Variants in UTRN observed in about 807,000 individuals in gnomAD.
The protein encoded by UTRN is utrophin, also known as dystrophin-related protein 1.
A neutral mutation model predicts 463.9 loss-of-function variants in UTRN; 283 were observed. The ratio of observed to expected loss-of-function variants is 0.61; its 90% CI spans 0.55 to 0.67. The LOEUF (loss-of-function observed/expected upper bound fraction) is 0.67. Among genes scored for constraint, UTRN ranks in the 30% least tolerant of loss-of-function variants. The pLI is 0.00. For missense variants in UTRN, 3,922 were observed against 4,084.3 expected, an observed-to-expected ratio of 0.96 and a Z score of 1.08; for synonymous variants, 1,442 against 1,431.5, an observed-to-expected ratio of 1.01 and a Z score of -0.17.
chr6:144,690,540 C>G (rs1562771639), intron 52 of UTRN, among the ~76,000 whole-genome samples: 1 of 152,124 alleles, frequency 6.6e-6, no homozygotes, highest in Non-Finnish European at 1.5e-5. Context: ...GCAGGGGCAC[C>G]CAGCTCCTAT....
intron 27 of UTRN, among the ~76,000 whole-genome samples, chr6:144,483,930 G>A (rs1261175872): frequency 6.6e-6 from 1 of 152,206 alleles, no homozygotes; most frequent in Non-Finnish European, 1.5e-5. Context: ...GTAGAAAAAT[G>A]TACTGCTCCT....
intron 2 of UTRN, among the ~76,000 whole-genome samples, chr6:144,320,694 A>G (rs1447400233): frequency 1.3e-5 from 2 of 152,224 alleles, no homozygotes; most frequent in Admixed American, 1.3e-4. Flanking sequence ...GTAGAATTAC[A>G]GAGGTAAAAC....
chr6:144,457,315 T>C (rs1166828738), intron 19 of UTRN, among the ~76,000 whole-genome samples: 1 of 152,204 alleles, frequency 6.6e-6, no homozygotes, highest in African/African-American at 2.4e-5. Context: ...CCGCCCTTGT[T>C]CTTGAAGTGA....
chr6:144,744,422 A>G (rs1790468120), intron 54 of UTRN, among the ~76,000 whole-genome samples: 1 of 146,682 alleles, frequency 6.8e-6, no homozygotes, highest in Non-Finnish European at 1.5e-5. Flanking sequence ...CTTATGTATA[A>G]TATATACATA....
Position 144,571,633 on chromosome 6 carries a change from A to G in UTRN, c.7290-5466A>G, listed in dbSNP as rs555345593. On this transcript the variant is annotated intron_variant, in intron 50 of 74. Transcript: ENST00000367545. ...CTTCGCCATTGAATTTTAGGTAAAT[A>G]CATATACAGTGTTGACATTATTTTG... 3.9e-5 allele frequency among the ~76,000 whole-genome samples: 6 copies of G among 152,326 alleles called. No individual in the cohort carries two copies. In the East Asian group the frequency reaches 9.6e-4, roughly 24 times the overall value.
intron 51 of UTRN, among the ~76,000 whole-genome samples, chr6:144,667,302 C>T (rs1780520815): frequency 6.6e-6 from 1 of 152,190 alleles, no homozygotes; most frequent in Admixed American, 6.5e-5. Context: ...AGGTGACCAA[C>T]CTGCCTCAGC....
At chr6:144,766,830 T>C (rs1793412039) in intron 58 of UTRN, among the ~76,000 whole-genome samples, 1 of 151,982 alleles carries the variant, frequency 6.6e-6, no homozygotes, top group Non-Finnish European at 1.5e-5. Flanking sequence ...TCTGTAAACA[T>C]TTATATTCTA....
chr6:144,702,557 C>T (rs140249414), intron 53 of UTRN, among the ~76,000 whole-genome samples: 1 of 152,158 alleles, frequency 6.6e-6, no homozygotes, highest in East Asian at 1.9e-4. Context: ...ACGGTAATAA[C>T]AAAAATAAAG....
At chr6:144,657,250 CA>C (rs11400052) in intron 51 of UTRN, among the ~76,000 whole-genome samples, 6,058 of 68,938 alleles carry the variant, frequency 0.088, 216 homozygotes, top group East Asian at 0.42. Flanking sequence ...AACTCCATCT[CA>C]AAAAAAAAAA....
intron 51 of UTRN, among the ~76,000 whole-genome samples, chr6:144,655,153 T>C (rs537302583): frequency 6.6e-5 from 10 of 152,372 alleles, no homozygotes; most frequent in African/African-American, 2.4e-4. Context: ...CTTCCTGGGA[T>C]AAAAGGAGAG....
rs560016575 is a variant in UTRN, at chr6:144,827,255, A to G, written c.9495-93A>G. ...CAACCACATATATGAGCGGAAGATA[A>G]TTGAGAATCTCCCCACACCCCCACT... is the stretch of plus-strand genomic sequence containing the variant. On this transcript the variant is annotated intron_variant, in intron 66 of 74. Coordinates refer to ENST00000367545, the MANE Select transcript of UTRN (RefSeq NM_007124.3). The G allele has an allele frequency of 2.7e-6, 4 of 1,458,494 alleles. No homozygotes were observed. The African/African-American group carries it at 4.2e-5, about 15-fold the overall frequency. 90.3% of individuals were successfully genotyped at this position (1,458,494 alleles called of 1,614,324 possible). A position where few individuals can be genotyped will look rare whatever the true frequency, so the allele number is the denominator to read the frequency against.
intron 19 of UTRN, among the ~76,000 whole-genome samples, chr6:144,455,060 T>C (rs1275271647): frequency 6.8e-6 from 1 of 147,138 alleles, no homozygotes; most frequent in Non-Finnish European, 1.5e-5. Context: ...TGGATATGTG[T>C]ATACACACAC....
chr6:144,416,595 T>A (rs576777869), intron 3 of UTRN, among the ~76,000 whole-genome samples: 1 of 152,234 alleles, frequency 6.6e-6, no homozygotes, highest in Admixed American at 6.5e-5. Context: ...GCCGCAAGCA[T>A]GAGTGCTGGT....
At position 144,774,281 on chromosome 6, in the gene UTRN, C is replaced by A. The variant is rs753559720; in HGVS notation, c.8558-9C>A. ...GCCTATCTTCAAATTGTTTCTTTTT[C>A]TATTTCAGCTGACCTGAATAATGTA... On this transcript the variant is annotated splice_polypyrimidine_tract_variant and intron_variant, in intron 59 of 74. Transcript: ENST00000367545. 7 of 1,593,976 alleles carry A rather than the reference C, an allele frequency of 4.4e-6. No individual in the cohort carries two copies. The Admixed American group carries it at 1.3e-4, about 29-fold the overall frequency.
At chr6:144,643,539 G>A (rs1278265396) in intron 51 of UTRN, among the ~76,000 whole-genome samples, 1 of 152,150 alleles carries the variant, frequency 6.6e-6, no homozygotes, top group African/African-American at 2.4e-5. Flanking sequence ...GTTCATGCCT[G>A]TAATCCCAGC....
chr6:144,643,493 T>C (rs1162437003), intron 51 of UTRN, among the ~76,000 whole-genome samples: 1 of 152,180 alleles, frequency 6.6e-6, no homozygotes, highest in Non-Finnish European at 1.5e-5. Context: ...AGTTTTGTTT[T>C]GTTAAAAATT....
chr6:144,444,452 G>A, intron 14 of UTRN, 70 bp downstream of exon 14: 1 of 1,161,918 alleles, frequency 8.6e-7, no homozygotes, highest in Non-Finnish European at 1.2e-6. Context: ...TGTGACTTTA[G>A]AATAAAGTTG....
intron 48 of UTRN, 31 bp from the exon 49 acceptor site, chr6:144,554,657 A>ATTTTTTTT (rs58746549): frequency 6.3e-7 from 1 of 1,596,770 alleles, no homozygotes; most frequent in Non-Finnish European, 8.6e-7. Flanking sequence ...ACATGTTGGG[A>ATTTTTTTT]TTTTTTTTTC....
chr6:144,410,029 T>G (rs980933532), intron 3 of UTRN, among the ~76,000 whole-genome samples: 1 of 152,180 alleles, frequency 6.6e-6, no homozygotes, highest in Non-Finnish European at 1.5e-5. Context: ...GATAGTCTCT[T>G]GTCCACCTTC....
Sources: gnomAD v4.1 joint callset for allele counts (sites outside exome capture counted in the v4.1 genomes callset) on GRCh38, gnomAD v4.1.1 for gene constraint, MANE v1.5 for transcripts, NCBI Gene and HGNC (gene_info 2026-07-23, HGNC 2026-07-21) for gene names.